SULT6B1: variants seen among roughly 807,000 people sequenced by gnomAD.
SULT6B1 encodes the protein sulfotransferase 6B1.
SULT6B1 carries 44 observed loss-of-function variants against 37.2 expected under a neutral mutation model. That is an observed-to-expected ratio of 1.18 (90% confidence interval 0.93 to 1.52). The LOEUF (loss-of-function observed/expected upper bound fraction) is 1.52, where lower values mean the gene tolerates loss of function less well. Ranked by LOEUF, SULT6B1 falls within the 40% of genes most tolerant of loss-of-function variation. The pLI is 0.00. For missense variants in SULT6B1, 450 were observed against 361.0 expected, an observed-to-expected ratio of 1.25 and a Z score of -2.00; for synonymous variants, 140 against 126.0, an observed-to-expected ratio of 1.11 and a Z score of -0.74.
chr2:37,194,237 C>A (rs929759171), intron 1 of SULT6B1: 2 of 170,686 alleles, frequency 1.2e-5, no homozygotes, highest in East Asian at 3.7e-4. Flanking sequence ...GCAGTGAGAT[C>A]TTGACTAATT....
chr2:37,185,680 T>A lies in SULT6B1; in HGVS notation c.312+1675A>T, dbSNP rs533587219. 7.5e-5 allele frequency among the ~76,000 whole-genome samples: 10 copies of A among 133,436 alleles called. No homozygotes were observed. The South Asian group carries it at 2.4e-3, about 33-fold the overall frequency. The allele number at this position is 133,436 out of a possible 152,430, so 87.5% of individuals were successfully genotyped here. ...GTGCAGTGAGCCGAGATCGCACCAC[T>A]GCACTCCAGCCTGGGTGACAGAGTG... is the stretch of plus-strand genomic sequence containing the variant. On this transcript the variant is annotated intron_variant, in intron 2 of 6. Coordinates refer to ENST00000535679, the MANE Select transcript of SULT6B1 (RefSeq NM_001367551.1).
intron 5 of SULT6B1, among the ~76,000 whole-genome samples, chr2:37,171,965 TTC>T (rs1024126930): frequency 2.6e-5 from 4 of 152,234 alleles, no homozygotes; most frequent in African/African-American, 9.6e-5. Context: ...CTCATTTGAA[TTC>T]TCTTTTTTTC....
chr2:37,179,492 C>T lies in SULT6B1; in HGVS notation c.495G>A (p.Trp165Ter), dbSNP rs749770855. The change falls in exon 4 of 7, where the codon TGG becomes TGA. Residue 165 changes from tryptophan to a stop codon, truncating the protein, a stop_gained. Coordinates refer to ENST00000535679, the MANE Select transcript of SULT6B1 (RefSeq NM_001367551.1). LOFTEE classifies it high-confidence loss of function. The part of the protein sequence containing the change: ...DVPDIPSYGS[W>*]DEFFRQFMKG... ...TCATGAACTGTCTGAAGAATTCATC[C>T]CAAGAGCCATAGCTTGGAATATCGG... The T allele has an allele frequency of 1.2e-6, 2 of 1,613,996 alleles. No homozygotes were observed. Among genetic ancestry groups the T allele is most frequent in the Admixed American group, 1.7e-5 (1 of 59,990 alleles).
chr2:37,168,127 C>T, intron 6 of SULT6B1, 62 bp from the exon 7 acceptor site: 6 of 1,455,834 alleles, frequency 4.1e-6, no homozygotes. Context: ...ATGATTTTAC[C>T]ATTTTCAGTG....
rs998038315 is a variant in SULT6B1 at position 37,171,568 on chromosome 2, T to G, written c.647A>C (p.Gln216Pro). ...AAAGAATCCCAAGAACTCAGCAATCTGTTTTATTCCAGCAGCCAGATTCTG... is the reference window on the plus strand; with the variant it reads ...AAAGAATCCCAAGAACTCAGCAATCGGTTTTATTCCAGCAGCCAGATTCTG... The part of the protein sequence containing the change: ...LKENLAAGIK[Q>P]IAEFLGFFLT... The change falls in exon 6 of 7, where the codon CAG (glutamine) becomes CCG (proline). Residue 216 changes from glutamine to proline, a missense_variant. Transcript: ENST00000535679. The G allele has an allele frequency of 6.2e-6, 10 of 1,613,222 alleles. No individual in the cohort carries two copies. Among genetic ancestry groups the G allele is most frequent in the Non-Finnish European group, 8.5e-6 (10 of 1,179,814 alleles).
At chr2:37,182,395 A>G (rs1676573407) in intron 3 of SULT6B1, among the ~76,000 whole-genome samples, 1 of 152,130 alleles carries the variant, frequency 6.6e-6, no homozygotes, top group African/African-American at 2.4e-5. Flanking sequence ...CTGAGATTAC[A>G]GGCACGTGCT....
intron 3 of SULT6B1, among the ~76,000 whole-genome samples, chr2:37,180,101 T>C (rs1257517951): frequency 6.6e-6 from 1 of 152,208 alleles, no homozygotes; most frequent in East Asian, 1.9e-4. Context: ...ATGAGTAGCA[T>C]GAAATAAACA....
intron 2 of SULT6B1, among the ~76,000 whole-genome samples, chr2:37,185,868 C>T (rs140270583): frequency 1.1e-4 from 17 of 152,176 alleles, no homozygotes; most frequent in South Asian, 8.3e-4. Flanking sequence ...CCTTTATTTC[C>T]TACCTAGGTC....
intron 4 of SULT6B1, among the ~76,000 whole-genome samples, chr2:37,176,322 G>C (rs1439256904): frequency 6.8e-6 from 1 of 146,914 alleles, no homozygotes. Context: ...GAGTGCAGTG[G>C]TGCAATCTCA....
chr2:37,188,524 C>T lies in SULT6B1; in HGVS notation c.117G>A (p.Met39Ile), dbSNP rs770166664. Reference protein sequence around the residue: ...TYQGIPYPITMCTSETFQALD... With the variant: ...TYQGIPYPITICTSETFQALD... ...GCGCTTGGAAAGTTTCTGAGGTGCA[C>T]ATGGTGATGGGGTAAGGAATCCCCT... The change falls in exon 1 of 7, where the codon ATG becomes ATA. Residue 39 changes from methionine to isoleucine, a missense_variant. Physicochemically the swap from Met to Ile is conservative, Grantham distance 10. Coordinates refer to ENST00000535679, the MANE Select transcript of SULT6B1 (RefSeq NM_001367551.1). 6.2e-7 allele frequency: 1 copy of T among 1,614,154 alleles called. No homozygotes were observed. The highest frequency in any genetic ancestry group is 1.1e-5 in the South Asian group (1 of 91,084).
At chr2:37,172,231 G>T (rs1676319976) in intron 5 of SULT6B1, among the ~76,000 whole-genome samples, 1 of 151,326 alleles carries the variant, frequency 6.6e-6, no homozygotes, top group Admixed American at 6.6e-5. Flanking sequence ...TTGTATTTTT[G>T]TAGAGACAGG....
At chr2:37,179,113 C>T (rs1291779644) in intron 4 of SULT6B1, among the ~76,000 whole-genome samples, 3 of 152,160 alleles carry the variant, frequency 2.0e-5, no homozygotes, top group African/African-American at 7.2e-5. Flanking sequence ...TGCGTGCCAC[C>T]ACGCCAGGCT....
In SULT6B1 at chr2:37,170,737, C is replaced by CAAA. The variant is rs10617061; in HGVS notation, c.781+694_781+696dup. Among the ~76,000 whole-genome samples, 461 of 93,986 alleles carry CAAA rather than the reference C, an allele frequency of 4.9e-3. 7 individuals carry two copies. Among genetic ancestry groups the CAAA allele is most frequent in the African/African-American group, 0.017 (430 of 24,810 alleles). The allele number at this position is 93,986 out of a possible 152,430, so 61.7% of individuals were successfully genotyped here. On this transcript the variant is annotated intron_variant, in intron 6 of 6. Transcript: ENST00000535679. ...TGGGCAACACAGCAAGATTCTGTCT[C>CAAA]AAAAAAAAAAAAAAAAAAAAAAACT...
At chr2:37,183,237 G>A (rs1676594678) in intron 3 of SULT6B1, among the ~76,000 whole-genome samples, 188 bp downstream of exon 3, 1 of 152,018 alleles carries the variant, frequency 6.6e-6, no homozygotes, top group African/African-American at 2.4e-5. Context: ...TTTCCTTGTT[G>A]AAAATGCATT....
At chr2:37,194,883 T>TCTC (rs1676868621) in intron 1 of SULT6B1, 1 of 41,998 alleles carries the variant, frequency 2.4e-5, no homozygotes, top group African/African-American at 1.1e-4. Context: ...CTCCCTCCCT[T>TCTC]CCTTCCTTCC....
intron 1 of SULT6B1, among the ~76,000 whole-genome samples, 189 bp downstream of exon 1, chr2:37,188,253 G>GT (rs1676714426): frequency 1.3e-5 from 2 of 152,098 alleles, no homozygotes; most frequent in Admixed American, 1.3e-4. Context: ...AGACACTGGA[G>GT]TTTTTTAATC....
rs1363437822 is a variant in SULT6B1 at position 37,188,490 on chromosome 2, A to G, written c.151T>C (p.Phe51Leu). The G allele has an allele frequency of 6.2e-7, 1 of 1,614,156 alleles. No individual in the cohort carries two copies. Among genetic ancestry groups the G allele is most frequent in the East Asian group, 2.2e-5 (1 of 44,892 alleles). Residue 51 changes from phenylalanine to leucine, a missense_variant, in exon 1 of 7, where the codon TTC (phenylalanine) becomes CTC (leucine). Transcript: ENST00000535679. ...TSETFQALDTFEARHDDIVLA... is the reference protein window; with the variant it reads ...TSETFQALDTLEARHDDIVLA... Reference sequence around the variant, plus strand: ...ACGATGTCATCATGTCTGGCTTCGAAGGTGTCCAGCGCTTGGAAAGTTTCT... The same window carrying G: ...ACGATGTCATCATGTCTGGCTTCGAGGGTGTCCAGCGCTTGGAAAGTTTCT...
intron 6 of SULT6B1, among the ~76,000 whole-genome samples, chr2:37,170,171 G>C (rs1029961432): frequency 6.6e-6 from 1 of 152,122 alleles, no homozygotes; most frequent in Non-Finnish European, 1.5e-5. Context: ...CCAATGAAAT[G>C]TAAGAAGTCA....
At position 37,188,463 on chromosome 2, in the gene SULT6B1, G is replaced by C; in HGVS notation, c.178C>G (p.Leu60Val). The C allele has an allele frequency of 1.2e-6, 2 of 1,613,876 alleles. No homozygotes were observed. The highest frequency in any genetic ancestry group is 1.7e-6 in the Non-Finnish European group (2 of 1,179,900). ...TTACCGCACTTTGGATAAGATGCTA[G>C]CACGATGTCATCATGTCTGGCTTCG... ...TFEARHDDIV[L>V]ASYPKCGSNW... is the part of the protein sequence containing the mutation. Residue 60 changes from leucine (L) to valine (V), a missense_variant, in exon 1 of 7, where the codon CTA becomes GTA. Coordinates refer to ENST00000535679, the MANE Select transcript of SULT6B1 (RefSeq NM_001367551.1).
Sources: gnomAD v4.1 joint callset for allele counts (sites outside exome capture counted in the v4.1 genomes callset) on GRCh38, gnomAD v4.1.1 for gene constraint, MANE v1.5 for transcripts, NCBI Gene and HGNC (gene_info 2026-07-23, HGNC 2026-07-21) for gene names.